SLC22A3: variants seen among roughly 807,000 people sequenced by gnomAD.
The protein encoded by SLC22A3 is solute carrier family 22 member 3, also known as EMT organic cation transporter 3.
SLC22A3 carries 51 observed loss-of-function variants against 59.1 expected under a neutral mutation model. That is an observed-to-expected ratio of 0.86 (90% CI 0.69 to 1.09). The LOEUF (loss-of-function observed/expected upper bound fraction) is 1.09. Ranked by LOEUF, SLC22A3 falls within the 50% of genes least tolerant of loss-of-function variation. The probability of loss-of-function intolerance (pLI) is 0.00; values close to 1 mark genes in which losing one functional copy is unlikely to be tolerated. For missense variants in SLC22A3, 711 were observed against 726.3 expected (o/e 0.98, Z 0.24); for synonymous variants, 325 against 292.0 (o/e 1.11, Z -1.15).
At chr6:160,386,997 TC>T (rs1410640206) in intron 1 of SLC22A3, among the ~76,000 whole-genome samples, 24 of 152,258 alleles carry the variant, frequency 1.6e-4, no homozygotes, top group African/African-American at 4.8e-4. Context: ...GGAGTCCTCC[TC>T]CAGCAGGGTA....
At chr6:160,413,197 T>TGTTACACATCCC (rs2114865537) in intron 5 of SLC22A3, among the ~76,000 whole-genome samples, 1 of 152,296 alleles carries the variant, frequency 6.6e-6, no homozygotes, top group South Asian at 2.1e-4. Flanking sequence ...AAGCAGCTGC[T>TGTTACACATCCC]GTTACACATC....
rs534832546 is a variant in SLC22A3, at chr6:160,372,318, A to G, written c.429+23470A>G. ...ATTATTGTCATTCAGAATGTCGAAT[A>G]CTGGCCCCCACTCTCTTCTGGATTG... On this transcript the variant is annotated intron_variant, in intron 1 of 10. Coordinates refer to ENST00000275300, the MANE Select transcript of SLC22A3 (RefSeq NM_021977.4). 4.6e-3 allele frequency among the ~76,000 whole-genome samples: 707 copies of G among 152,328 alleles called. 3 individuals carry two copies. The highest frequency in any genetic ancestry group is 0.016 in the African/African-American group (682 of 41,576).
At chr6:160,412,418 G>C (rs1787293633) in intron 5 of SLC22A3, among the ~76,000 whole-genome samples, 1 of 152,090 alleles carries the variant, frequency 6.6e-6, no homozygotes, top group Non-Finnish European at 1.5e-5. Context: ...CTTGAAGCTT[G>C]GTCATGTATA....
chr6:160,382,405 G>C, intron 1 of SLC22A3, among the ~76,000 whole-genome samples: 1 of 152,178 alleles, frequency 6.6e-6, no homozygotes, highest in Admixed American at 6.5e-5. Flanking sequence ...GACTTCAGTA[G>C]GCCAGCCTGA....
intron 1 of SLC22A3, among the ~76,000 whole-genome samples, chr6:160,379,560 C>A (rs910275559): frequency 6.6e-6 from 1 of 152,264 alleles, no homozygotes; most frequent in South Asian, 2.1e-4. Flanking sequence ...TTATTATTAT[C>A]CTGTGTGTTT....
chr6:160,348,568 G>GGTGCCGCGGGCCAA lies in SLC22A3; in HGVS notation c.159_172dup (p.Ala58GlyfsTer109), dbSNP rs1169997709. The GGTGCCGCGGGCCAA allele has an allele frequency of 1.3e-6, 2 of 1,540,434 alleles. No individual in the cohort carries two copies. The highest frequency in any genetic ancestry group is 8.7e-7 in the Non-Finnish European group (1 of 1,153,424). The stretch of plus-strand genomic sequence containing the variant: ...CTGGGCACGCAGCCCGACCACTACT[G>GGTGCCGCGGGCCAA]GTGCCGCGGGCCAAGTGCCGCGGCG... On this transcript the variant is annotated frameshift_variant, in exon 1 of 11. Transcript: ENST00000275300. LOFTEE classifies it high-confidence loss of function.
intron 1 of SLC22A3, among the ~76,000 whole-genome samples, chr6:160,372,739 AT>A (rs1785446752): frequency 6.6e-6 from 1 of 151,798 alleles, no homozygotes; most frequent in Non-Finnish European, 1.5e-5. Context: ...GATTTATTTC[AT>A]TAAGTTGATA....
At chr6:160,417,278 C>A (rs1261337745) in intron 5 of SLC22A3, among the ~76,000 whole-genome samples, 1 of 152,178 alleles carries the variant, frequency 6.6e-6, no homozygotes, top group Non-Finnish European at 1.5e-5. Flanking sequence ...ACAAGAACAG[C>A]AGATCCCAAA....
intron 1 of SLC22A3, among the ~76,000 whole-genome samples, chr6:160,354,761 G>A (rs1158085158): frequency 6.6e-6 from 1 of 152,216 alleles, no homozygotes; most frequent in Non-Finnish European, 1.5e-5. Context: ...CTGGGTGACA[G>A]AGGAAGACCC....
intron 1 of SLC22A3, among the ~76,000 whole-genome samples, chr6:160,380,172 T>C (rs1210479917): frequency 6.6e-6 from 1 of 152,154 alleles, no homozygotes; most frequent in Admixed American, 6.5e-5. Flanking sequence ...TTACATAATA[T>C]TTTAAAAACT....
chr6:160,434,929 G>A (rs1024278205), intron 5 of SLC22A3, among the ~76,000 whole-genome samples: 1 of 152,200 alleles, frequency 6.6e-6, no homozygotes, highest in Admixed American at 6.5e-5. Context: ...CTCTAGTGAG[G>A]CAGCTCTACT....
chr6:160,428,357 T>G (rs1032971254), intron 5 of SLC22A3, among the ~76,000 whole-genome samples: 1 of 152,150 alleles, frequency 6.6e-6, no homozygotes, highest in African/African-American at 2.4e-5. Flanking sequence ...ATGCAGTGTC[T>G]CAAAGAAAGA....
intron 5 of SLC22A3, among the ~76,000 whole-genome samples, chr6:160,412,867 G>A (rs1170490038): frequency 6.6e-6 from 1 of 151,352 alleles, no homozygotes; most frequent in East Asian, 1.9e-4. Flanking sequence ...AATATATTTA[G>A]GAATATAGAA....
intron 1 of SLC22A3, among the ~76,000 whole-genome samples, chr6:160,365,463 C>T (rs1785172861): frequency 6.6e-6 from 1 of 152,158 alleles, no homozygotes; most frequent in Admixed American, 6.5e-5. Context: ...AGTTTCTGAT[C>T]CAATGGGTCT....
At chr6:160,431,821 CAAGT>C (rs1583507536) in intron 5 of SLC22A3, among the ~76,000 whole-genome samples, 1 of 152,152 alleles carries the variant, frequency 6.6e-6, no homozygotes, top group Non-Finnish European at 1.5e-5. Flanking sequence ...CTTTTGGCAA[CAAGT>C]AACAGAAAAC....
chr6:160,451,005 C>T lies in SLC22A3; in HGVS notation c.1620C>T (p.Ser540=), dbSNP rs773082883. ...TCCTTTGTTTTTTCAGTCCACATTC[C>T]TGTAAATGTGGCAGGAATAAGAAAA... The part of the protein sequence containing the change: ...DDVEKLGSPH[S]CKCGRNKKTP... Residue 540 remains serine (S), a synonymous_variant, in exon 11 of 11, where the codon TCC becomes TCT. Coordinates refer to ENST00000275300, the MANE Select transcript of SLC22A3 (RefSeq NM_021977.4). 1.3e-6 allele frequency: 2 copies of T among 1,592,706 alleles called. No individual in the cohort carries two copies. The highest frequency in any genetic ancestry group is 2.3e-5 in the South Asian group (2 of 87,720).
intron 9 of SLC22A3, among the ~76,000 whole-genome samples, chr6:160,446,708 GT>G (rs377085853): frequency 8.9e-4 from 135 of 152,298 alleles, no homozygotes; most frequent in Non-Finnish European, 1.8e-3. Flanking sequence ...CAAGAATTTT[GT>G]AAGCCAGTCA....
chr6:160,348,622 A>C lies in SLC22A3; in HGVS notation c.203A>C (p.Glu68Ala). 4.7e-6 allele frequency: 7 copies of C among 1,504,198 alleles called. No homozygotes were observed. Among genetic ancestry groups the C allele is most frequent in the Non-Finnish European group, 6.2e-6 (7 of 1,134,350 alleles). The allele number at this position is 1,504,198 out of a possible 1,614,324, so 93.2% of individuals were successfully genotyped here. Reference sequence around the variant, plus strand: ...GCCGAGCGCTGCGGCTGGAGCCCGGAGGAGGAGTGGAACCGCACGGCGCCC... The same window carrying C: ...GCCGAGCGCTGCGGCTGGAGCCCGGCGGAGGAGTGGAACCGCACGGCGCCC... Reference protein sequence around the residue: ...ALAERCGWSPEEEWNRTAPAS... With the variant: ...ALAERCGWSPAEEWNRTAPAS... Residue 68 changes from glutamate (E) to alanine (A), a missense_variant, in exon 1 of 11, where the codon GAG (glutamate) becomes GCG (alanine). Physicochemically the swap from Glu to Ala is moderately radical, Grantham distance 107. Transcript: ENST00000275300.
At chr6:160,389,148 A>G (rs927646100) in intron 1 of SLC22A3, among the ~76,000 whole-genome samples, 3 of 152,316 alleles carry the variant, frequency 2.0e-5, no homozygotes, top group African/African-American at 4.8e-5. Flanking sequence ...TGACATGATG[A>G]TGAAATATCT....
Sources: gnomAD v4.1 joint callset for allele counts (sites outside exome capture counted in the v4.1 genomes callset) on GRCh38, gnomAD v4.1.1 for gene constraint, MANE v1.5 for transcripts, NCBI Gene and HGNC (gene_info 2026-07-23, HGNC 2026-07-21) for gene names.